The following SLC7A6 variants were observed in gnomAD, a reference collection of about 807,000 sequenced individuals.
SLC7A6 encodes Y+L amino acid transporter 2.
A neutral mutation model predicts 46.6 loss-of-function variants in SLC7A6; 29 were observed. That is an observed-to-expected ratio of 0.62 (90% confidence interval 0.46 to 0.85). SLC7A6 has a LOEUF of 0.85. SLC7A6 is among the 40% of genes least tolerant of loss of function. The probability of loss-of-function intolerance (pLI) is 0.00; values close to 1 mark genes in which losing one functional copy is unlikely to be tolerated. For missense variants in SLC7A6, 527 were observed against 647.6 expected (o/e 0.81, Z 2.02); for synonymous variants, 276 against 257.3 (o/e 1.07, Z -0.70).
chr16:68,301,107 CTAACA>C lies in SLC7A6; in HGVS notation c.*3783_*3787del, dbSNP rs1266467206. ...CTGTAAGTGGAAAAGACTCACTCCC[CTAACA>C]TAAGTTTTCACTGTGGTGGGATGGT... On this transcript the variant is annotated 3_prime_UTR_variant, in exon 11 of 11. Coordinates refer to ENST00000219343, the MANE Select transcript of SLC7A6 (RefSeq NM_003983.6). 1.0e-5 allele frequency: 14 copies of C among 1,345,096 alleles called. No homozygotes were observed. Among genetic ancestry groups the C allele is most frequent in the Non-Finnish European group, 1.2e-5 (13 of 1,045,398 alleles). 83.3% of individuals were successfully genotyped at this position (1,345,096 alleles called of 1,614,324 possible). A position where few individuals can be genotyped will look rare whatever the true frequency, so the allele number is the denominator to read the frequency against.
chr16:68,301,096 G>A lies in SLC7A6; in HGVS notation c.*3768G>A. 1 of 1,315,604 alleles carries A rather than the reference G, an allele frequency of 7.6e-7. No individual in the cohort carries two copies. Among genetic ancestry groups the A allele is most frequent in the African/African-American group, 1.5e-5 (1 of 66,846 alleles). 81.5% of individuals were successfully genotyped at this position (1,315,604 alleles called of 1,614,324 possible). A position where few individuals can be genotyped will look rare whatever the true frequency, so the allele number is the denominator to read the frequency against. ...AAGGGGTCCTACTGTAAGTGGAAAA[G>A]ACTCACTCCCCTAACATAAGTTTTC... On this transcript the variant is annotated 3_prime_UTR_variant, in exon 11 of 11. Coordinates refer to ENST00000219343, the MANE Select transcript of SLC7A6 (RefSeq NM_003983.6).
At chr16:68,278,548 A>T (rs1193209094) in intron 3 of SLC7A6, among the ~76,000 whole-genome samples, 2 of 151,648 alleles carry the variant, frequency 1.3e-5, no homozygotes, top group Non-Finnish European at 2.9e-5. Flanking sequence ...CATCTGTTTA[A>T]CAAAGCACAT....
At chr16:68,282,067 T>C (rs2042837959) in intron 3 of SLC7A6, among the ~76,000 whole-genome samples, 2 of 152,178 alleles carry the variant, frequency 1.3e-5, no homozygotes, top group Non-Finnish European at 2.9e-5. Context: ...GCTTTCCTGC[T>C]CTCTTGGACC....
At chr16:68,290,630 T>TCCGACTCTCCTCCCC in intron 5 of SLC7A6, 90 bp downstream of exon 5, 1 of 1,448,914 alleles carries the variant, frequency 6.9e-7, no homozygotes, top group Non-Finnish European at 9.6e-7. Context: ...TCCTCCTCCC[T>TCCGACTCTCCTCCCC]CCGACTCTCC....
intron 2 of SLC7A6, among the ~76,000 whole-genome samples, chr16:68,268,771 C>T (rs1364054996): frequency 6.6e-6 from 1 of 151,790 alleles, no homozygotes; most frequent in African/African-American, 2.4e-5. Flanking sequence ...TTTGGGAAGC[C>T]GAGGCAGGCG....
At chr16:68,287,939 T>C (rs2151226283) in intron 4 of SLC7A6, 68 bp downstream of exon 4, 2 of 1,579,594 alleles carry the variant, frequency 1.3e-6, no homozygotes, top group Middle Eastern at 2.0e-4. Context: ...ATGGCGACTC[T>C]GTTAGCTTCA....
In SLC7A6 at chr16:68,301,461, G is replaced by T; in HGVS notation, c.*4133G>T. On this transcript the variant is annotated 3_prime_UTR_variant, in exon 11 of 11. Coordinates refer to ENST00000219343, the MANE Select transcript of SLC7A6 (RefSeq NM_003983.6). ...ATGTGATTTTCCTAGGCTACTGCAGGAGCCCCTTCTCTTCTCAGAAAGGTC... is the reference window on the plus strand; with the variant it reads ...ATGTGATTTTCCTAGGCTACTGCAGTAGCCCCTTCTCTTCTCAGAAAGGTC... 1 of 1,522,618 alleles carries T rather than the reference G, an allele frequency of 6.6e-7. No homozygotes were observed. The highest frequency in any genetic ancestry group is 9.0e-7 in the Non-Finnish European group (1 of 1,109,906). The allele number at this position is 1,522,618 out of a possible 1,614,324, so 94.3% of individuals were successfully genotyped here.
At chr16:68,274,624 G>T in intron 2 of SLC7A6, 67 bp from the exon 3 acceptor site, 1 of 1,380,102 alleles carries the variant, frequency 7.2e-7, no homozygotes, top group South Asian at 1.4e-5. Flanking sequence ...AGTGGGCAGG[G>T]AAATCTGGTC....
At chr16:68,293,221 G>T (rs1044613899) in intron 7 of SLC7A6, among the ~76,000 whole-genome samples, 1 of 152,156 alleles carries the variant, frequency 6.6e-6, no homozygotes, top group Non-Finnish European at 1.5e-5. Context: ...TTCGAGACCA[G>T]CCTGACCAAT....
chr16:68,288,083 G>A (rs1223845550), intron 4 of SLC7A6, among the ~76,000 whole-genome samples: 1 of 152,182 alleles, frequency 6.6e-6, no homozygotes, highest in South Asian at 2.1e-4. Context: ...CTCAGGGCTG[G>A]TTTCCTTTGG....
At chr16:68,282,296 C>T (rs1046017619) in intron 3 of SLC7A6, among the ~76,000 whole-genome samples, 4 of 152,018 alleles carry the variant, frequency 2.6e-5, no homozygotes, top group African/African-American at 9.7e-5. Flanking sequence ...TGGCCAGGCT[C>T]AGTGGCTCAT....
In SLC7A6 at chr16:68,274,863, C is replaced by T; in HGVS notation, c.137C>T (p.Ser46Phe). 3 of 1,614,214 alleles carry T rather than the reference C, an allele frequency of 1.9e-6. No individual in the cohort carries two copies. Among genetic ancestry groups the T allele is most frequent in the Non-Finnish European group, 2.5e-6 (3 of 1,180,038 alleles). ...SETMQLKKEI[S>F]LLNGVSLVVG... The stretch of plus-strand genomic sequence containing the variant: ...ACTATGCAGCTGAAGAAGGAGATCT[C>T]CCTGCTGAATGGGGTCAGCCTGGTG... Residue 46 changes from serine to phenylalanine, a missense_variant, in exon 3 of 11, where the codon TCC becomes TTC. By Grantham distance (155) the Ser-to-Phe change is radical. Transcript: ENST00000219343.
intron 7 of SLC7A6, chr16:68,292,737 G>A (rs2043082134): frequency 6.6e-6 from 1 of 152,092 alleles, no homozygotes; most frequent in Non-Finnish European, 1.5e-5. Flanking sequence ...TTAAGAGTTT[G>A]GCTTCTACTA....
intron 3 of SLC7A6, among the ~76,000 whole-genome samples, chr16:68,277,925 CTAT>C (rs34693926): frequency 1.4e-4 from 20 of 148,080 alleles, no homozygotes; most frequent in African/African-American, 3.2e-4. Context: ...CATGCCTGGC[CTAT>C]TATTATTATT....
At chr16:68,276,352 T>C (rs1331422791) in intron 3 of SLC7A6, among the ~76,000 whole-genome samples, 2 of 152,242 alleles carry the variant, frequency 1.3e-5, no homozygotes, top group African/African-American at 4.8e-5. Context: ...GAATTCTATG[T>C]TCCTTAGCAC....
chr16:68,282,871 G>A (rs903474926), intron 3 of SLC7A6, among the ~76,000 whole-genome samples: 1 of 152,166 alleles, frequency 6.6e-6, no homozygotes, highest in Admixed American at 6.5e-5. Flanking sequence ...GCCCGCCTCG[G>A]CCTCCCAAAG....
chr16:68,272,022 C>A (rs529115272), intron 2 of SLC7A6, among the ~76,000 whole-genome samples: 2 of 152,118 alleles, frequency 1.3e-5, no homozygotes, highest in African/African-American at 4.8e-5. Context: ...CCAGGATGGT[C>A]TCAATCTCTT....
intron 3 of SLC7A6, among the ~76,000 whole-genome samples, chr16:68,278,922 G>A (rs1245548564): frequency 4.0e-5 from 6 of 151,448 alleles, no homozygotes; most frequent in South Asian, 2.1e-4. Context: ...CGGACAGGGC[G>A]GCTGCCGGGC....
At chr16:68,273,533 T>C (rs1403363021) in intron 2 of SLC7A6, among the ~76,000 whole-genome samples, 1 of 152,132 alleles carries the variant, frequency 6.6e-6, no homozygotes, top group African/African-American at 2.4e-5. Flanking sequence ...TGATAGATTC[T>C]GGGTCCTTCA....
Sources: allele counts gnomAD v4.1 joint callset (sites outside exome capture counted in the v4.1 genomes callset), GRCh38; gene constraint gnomAD v4.1.1; transcripts MANE v1.5; gene names NCBI Gene and HGNC (gene_info 2026-07-23, HGNC 2026-07-21).